Variants in RNF157 observed in about 807,000 individuals in gnomAD.
RNF157 encodes ring finger protein 157.
A neutral mutation model predicts 88.3 loss-of-function variants in RNF157; 55 were observed. That is an observed-to-expected ratio of 0.62 (90% confidence interval 0.50 to 0.78). The LOEUF is 0.78. Ranked by LOEUF, RNF157 falls within the 30% of genes least tolerant of loss-of-function variation. The probability of loss-of-function intolerance (pLI) is 0.00; values close to 1 mark genes in which losing one functional copy is unlikely to be tolerated. For missense variants in RNF157, 788 were observed against 860.8 expected, an observed-to-expected ratio of 0.92 and a Z score of 1.06; for synonymous variants, 334 against 341.2, an observed-to-expected ratio of 0.98 and a Z score of 0.23.
chr17:76,188,907 A>T (rs1368584540), intron 2 of RNF157, among the ~76,000 whole-genome samples: 1 of 152,214 alleles, frequency 6.6e-6, no homozygotes, highest in East Asian at 1.9e-4. Flanking sequence ...ATATGATGCA[A>T]CTACATCTGT....
At chr17:76,199,038 T>C (rs1199704995) in intron 2 of RNF157, among the ~76,000 whole-genome samples, 1 of 152,216 alleles carries the variant, frequency 6.6e-6, no homozygotes, top group African/African-American at 2.4e-5. Flanking sequence ...TTCTAGTGTC[T>C]AACATCAGCC....
chr17:76,235,391 G>A (rs1313620821), intron 1 of RNF157, among the ~76,000 whole-genome samples: 1 of 151,912 alleles, frequency 6.6e-6, no homozygotes, highest in Admixed American at 6.6e-5. Flanking sequence ...GTAGAGACGG[G>A]GTTTCACCAT....
At chr17:76,159,266 G>T (rs1253403596) in intron 12 of RNF157, 69 bp downstream of exon 12, 22 of 1,380,304 alleles carry the variant, frequency 1.6e-5, no homozygotes, top group Non-Finnish European at 2.2e-5. Flanking sequence ...ATGTGGGCCA[G>T]CACCAAGGAG....
intron 2 of RNF157, among the ~76,000 whole-genome samples, chr17:76,204,887 C>T (rs1044466645): frequency 2.6e-5 from 4 of 151,142 alleles, no homozygotes; most frequent in South Asian, 2.1e-4. Flanking sequence ...TGGGTTCAAG[C>T]GATTCTCCTG....
intron 1 of RNF157, among the ~76,000 whole-genome samples, chr17:76,228,343 C>T (rs1174759051): frequency 2.0e-5 from 3 of 152,170 alleles, no homozygotes; most frequent in African/African-American, 7.2e-5. Context: ...AACCCTTATG[C>T]ATTACAATAG....
At chr17:76,193,535 C>G (rs2069420976) in intron 2 of RNF157, among the ~76,000 whole-genome samples, 1 of 151,682 alleles carries the variant, frequency 6.6e-6, no homozygotes, top group African/African-American at 2.4e-5. Flanking sequence ...GAAACAGCTA[C>G]CCCCACCACC....
chr17:76,156,504 G>T, intron 13 of RNF157, 183 bp from the exon 14 acceptor site: 7 of 1,414,002 alleles, frequency 5.0e-6, no homozygotes, highest in Non-Finnish European at 6.4e-6. Context: ...AGCCTGGAAT[G>T]ACTGCCTCCC....
chr17:76,173,102 T>C (rs1027536300), intron 3 of RNF157, among the ~76,000 whole-genome samples: 3 of 151,974 alleles, frequency 2.0e-5, no homozygotes, highest in East Asian at 1.9e-4. Context: ...CTGGCTAACA[T>C]GGTGAAACCC....
chr17:76,154,156 T>A (rs184310019), intron 17 of RNF157, 127 bp downstream of exon 17: 1 of 730,290 alleles, frequency 1.4e-6, no homozygotes, highest in African/African-American at 1.8e-5. Flanking sequence ...AGACGATCTT[T>A]CCTCTAACAG....
intron 2 of RNF157, among the ~76,000 whole-genome samples, chr17:76,182,839 T>C (rs2069218948): frequency 1.1e-5 from 1 of 88,726 alleles, no homozygotes; most frequent in Non-Finnish European, 2.3e-5. Context: ...CTATATATGA[T>C]ATATAGGATA....
Position 76,154,328 on chromosome 17 carries a change from C to T in RNF157, c.1765G>A (p.Gly589Arg). The T allele has an allele frequency of 6.2e-7, 1 of 1,611,412 alleles. No homozygotes were observed. Among genetic ancestry groups the T allele is most frequent in the Non-Finnish European group, 8.5e-7 (1 of 1,177,584 alleles). Residue 589 changes from glycine to arginine, a missense_variant and splice_region_variant, in exon 17 of 19, where the codon GGA becomes AGA. Physicochemically the swap from Gly to Arg is moderately radical, Grantham distance 125. Transcript: ENST00000269391. ...TCCTCTTCCTCTATAACATCATTTC[C>T]CTAGGACAGAAGGAAGGCCCTGTGA... ...GLPAGEQDAEGNDVIEEEDGS... is the reference protein window; with the variant it reads ...GLPAGEQDAERNDVIEEEDGS...
At chr17:76,194,438 G>A (rs929609340) in intron 2 of RNF157, among the ~76,000 whole-genome samples, 6 of 152,098 alleles carry the variant, frequency 3.9e-5, no homozygotes, top group East Asian at 1.9e-4. Flanking sequence ...TGGGAAGGGC[G>A]GTAAATTCAC....
In RNF157 at chr17:76,195,215, G is replaced by A. The variant is rs949614392; in HGVS notation, c.207+17149C>T. 4.6e-5 allele frequency among the ~76,000 whole-genome samples: 7 copies of A among 151,976 alleles called. No homozygotes were observed. Among genetic ancestry groups the A allele is most frequent in the East Asian group, 3.9e-4 (2 of 5,172 alleles). ...TGGAGGTGTAGGTCCTCCTACAAGC[G>A]GGGTAGAGCAAGGCTGGAAACAGGA... On this transcript the variant is annotated intron_variant, in intron 2 of 18. Transcript: ENST00000269391. The surrounding 1 kb of genome is among the most constrained non-coding windows in gnomAD (Gnocchi z 4.4).
chr17:76,221,465 TA>T (rs2069981842), intron 1 of RNF157, among the ~76,000 whole-genome samples: 1 of 152,130 alleles, frequency 6.6e-6, no homozygotes, highest in South Asian at 2.1e-4. Flanking sequence ...CAGAAAACCT[TA>T]ACAAGAAAAA....
At chr17:76,224,637 T>C (rs1351074367) in intron 1 of RNF157, among the ~76,000 whole-genome samples, 1 of 152,052 alleles carries the variant, frequency 6.6e-6, no homozygotes, top group Non-Finnish European at 1.5e-5. Flanking sequence ...ATCTTTTGAC[T>C]TCCCTTGGCC....
chr17:76,179,273 A>G lies in RNF157; in HGVS notation c.208-5483T>C, dbSNP rs187854312. On this transcript the variant is annotated intron_variant, in intron 2 of 18. Transcript: ENST00000269391. ...AGTCAGCATGGTGGCACACACCTGT[A>G]GTCCCAGCTACTCAGAAGGCTGACG... Among the ~76,000 whole-genome samples, 24 of 152,178 alleles carry G rather than the reference A, an allele frequency of 1.6e-4. No homozygotes were observed. In the East Asian group the frequency reaches 4.5e-3, roughly 28 times the overall value.
At chr17:76,214,755 T>C (rs2069860571) in intron 1 of RNF157, among the ~76,000 whole-genome samples, 1 of 152,112 alleles carries the variant, frequency 6.6e-6, no homozygotes, top group Non-Finnish European at 1.5e-5. Flanking sequence ...AGAAATATTT[T>C]CAGTGCAATA....
Position 76,212,397 on chromosome 17 carries a change from G to T in RNF157, c.174C>A (p.Ser58Arg). ...HPEGYLFGEN[S>R]DLNFLGNRPV... ...GTCTGTTCCCCAGAAAGTTCAGATC[G>T]CTGTTCTCTCCAAACAGGTAACCTT... Residue 58 changes from serine (S) to arginine (R), a missense_variant, in exon 2 of 19, where the codon AGC (serine) becomes AGA (arginine). By Grantham distance (110) the Ser-to-Arg change is moderately radical. Coordinates refer to ENST00000269391, the MANE Select transcript of RNF157 (RefSeq NM_052916.3). 1 of 1,613,576 alleles carries T rather than the reference G, an allele frequency of 6.2e-7. No individual in the cohort carries two copies. The highest frequency in any genetic ancestry group is 8.5e-7 in the Non-Finnish European group (1 of 1,179,548).
intron 1 of RNF157, chr17:76,226,180 C>T: frequency 6.2e-7 from 1 of 1,608,190 alleles, no homozygotes; most frequent in Non-Finnish European, 8.5e-7. Context: ...TGTCTTCCTC[C>T]TTTATGCACT....
Sources: allele counts gnomAD v4.1 joint callset (sites outside exome capture counted in the v4.1 genomes callset), GRCh38; gene constraint gnomAD v4.1.1; non-coding constraint Gnocchi (gnomAD v3.1); transcripts MANE v1.5; gene names NCBI Gene and HGNC (gene_info 2026-07-23, HGNC 2026-07-21).